NEGR1: variants seen among roughly 807,000 people sequenced by gnomAD.
NEGR1 encodes the protein IgLON family member 4.
In NEGR1, 10 loss-of-function variants were observed where a neutral mutation model predicts 40.9. The observed-to-expected ratio is 0.24, with a 90% CI of 0.15 to 0.42. The LOEUF is 0.42. Among genes scored for constraint, NEGR1 ranks in the 10% least tolerant of loss-of-function variants. NEGR1 has a pLI of 1.00. For missense variants in NEGR1, 352 were observed against 438.9 expected, an observed-to-expected ratio of 0.80 and a Z score of 1.77; for synonymous variants, 185 against 166.8, an observed-to-expected ratio of 1.11 and a Z score of -0.84.
chr1:72,010,608 C>A (rs1305260337), intron 1 of NEGR1, among the ~76,000 whole-genome samples: 2 of 151,756 alleles, frequency 1.3e-5, no homozygotes, highest in Non-Finnish European at 2.9e-5. Context: ...CCTCTCCCTC[C>A]CCCCAACCCC....
At chr1:71,530,364 A>G (rs145033593) in intron 6 of NEGR1, among the ~76,000 whole-genome samples, 97 of 151,390 alleles carry the variant, frequency 6.4e-4, no homozygotes, top group Non-Finnish European at 1.1e-3. Context: ...GCTTAGTTAT[A>G]TATTGCCAAA....
At chr1:71,425,848 T>C (rs900453287) in intron 6 of NEGR1, among the ~76,000 whole-genome samples, 1 of 152,108 alleles carries the variant, frequency 6.6e-6, no homozygotes, top group Non-Finnish European at 1.5e-5. Flanking sequence ...AGCTTAATGC[T>C]CACAATCCAT....
chr1:71,987,000 A>C (rs1486956356), intron 1 of NEGR1, among the ~76,000 whole-genome samples: 1 of 152,196 alleles, frequency 6.6e-6, no homozygotes, highest in Admixed American at 6.5e-5. Flanking sequence ...AGAAACAGTT[A>C]ACTCAAAAAT....
chr1:71,569,575 GTTTAAAGT>G (rs1043798812), intron 6 of NEGR1, among the ~76,000 whole-genome samples: 24 of 152,254 alleles, frequency 1.6e-4, no homozygotes, highest in Middle Eastern at 3.4e-3. Context: ...CCGTTTGGGC[GTTTAAAGT>G]TTTAAAGTTT....
intron 2 of NEGR1, among the ~76,000 whole-genome samples, chr1:71,815,174 A>T (rs948050240): frequency 6.6e-6 from 1 of 152,156 alleles, no homozygotes; most frequent in Non-Finnish European, 1.5e-5. Flanking sequence ...CCCAGGAGTC[A>T]TTCAGGAGAA....
intron 1 of NEGR1, among the ~76,000 whole-genome samples, chr1:72,092,326 T>C (rs1648531278): frequency 6.6e-6 from 1 of 152,134 alleles, no homozygotes; most frequent in Non-Finnish European, 1.5e-5. Flanking sequence ...ATGTTCTCTC[T>C]CTACCAAACA....
intron 1 of NEGR1, among the ~76,000 whole-genome samples, chr1:72,043,673 C>T (rs1646975460): frequency 6.6e-6 from 1 of 151,850 alleles, no homozygotes. Context: ...TGTCATATGT[C>T]TGAAATCACA....
At chr1:72,099,874 T>C (rs557609611) in intron 1 of NEGR1, among the ~76,000 whole-genome samples, 7 of 150,904 alleles carry the variant, frequency 4.6e-5, no homozygotes, top group Non-Finnish European at 1.0e-4. Flanking sequence ...TTATATATAC[T>C]CTCTCTCTCT....
chr1:71,627,894 T>C (rs952896808), intron 4 of NEGR1, among the ~76,000 whole-genome samples: 2 of 152,058 alleles, frequency 1.3e-5, no homozygotes, highest in African/African-American at 4.8e-5. Flanking sequence ...GTGAATATTA[T>C]GTGAATGAAG....
chr1:71,431,534 TCATC>T (rs60332811), intron 6 of NEGR1, among the ~76,000 whole-genome samples: 141,465 of 151,544 alleles, frequency 0.93, 66,442 homozygotes, highest in Non-Finnish European at 0.99. Context: ...ATTTATCCAA[TCATC>T]CATCCATCCA....
At chr1:72,265,594 C>T (rs1434772657) in intron 1 of NEGR1, among the ~76,000 whole-genome samples, 1 of 150,716 alleles carries the variant, frequency 6.6e-6, no homozygotes. Flanking sequence ...GTAATATACC[C>T]TGTAGGCACC....
chr1:72,262,117 G>A (rs922459280), intron 1 of NEGR1, among the ~76,000 whole-genome samples: 4 of 152,030 alleles, frequency 2.6e-5, no homozygotes, highest in Admixed American at 6.6e-5. Flanking sequence ...AGCTATCCTA[G>A]ATTGGATAAC....
At chr1:71,756,522 T>G (rs1339849619) in intron 3 of NEGR1, among the ~76,000 whole-genome samples, 1 of 152,084 alleles carries the variant, frequency 6.6e-6, no homozygotes, top group Non-Finnish European at 1.5e-5. Context: ...TAATTATTTC[T>G]TGTCATGTCA....
intron 2 of NEGR1, among the ~76,000 whole-genome samples, chr1:71,831,634 G>A (rs664636): frequency 0.035 from 5,287 of 151,978 alleles, 175 homozygotes; most frequent in African/African-American, 0.084. Flanking sequence ...GACAATTACA[G>A]CACAATGCAA....
At chr1:71,818,089 T>C (rs77556311) in intron 2 of NEGR1, among the ~76,000 whole-genome samples, 2,809 of 152,086 alleles carry the variant, frequency 0.018, 41 homozygotes, top group East Asian at 0.043. Flanking sequence ...ACACTGGTGA[T>C]TGGGGTGTAA....
rs556192199 is a variant in NEGR1 at position 72,075,357 on chromosome 1, G to A, written c.177-140046C>T. Among the ~76,000 whole-genome samples the A allele has an allele frequency of 3.9e-5, 6 of 152,236 alleles. No individual in the cohort carries two copies. The South Asian group carries it at 1.0e-3, about 26-fold the overall frequency. The stretch of plus-strand genomic sequence containing the variant: ...ACAGGCAAGTCAGTCTAGTGAGGTA[G>A]AGTCCTTTTACTCTAAATTCTAATT... On this transcript the variant is annotated intron_variant, in intron 1 of 6. Transcript: ENST00000357731.
intron 2 of NEGR1, among the ~76,000 whole-genome samples, chr1:71,915,109 T>A (rs550937096): frequency 1.3e-5 from 2 of 152,242 alleles, no homozygotes; most frequent in African/African-American, 2.4e-5. Context: ...CCTTTTTTTT[T>A]AATGTTTTGT....
intron 5 of NEGR1, among the ~76,000 whole-genome samples, chr1:71,605,483 A>T (rs1650049807): frequency 6.6e-6 from 1 of 152,190 alleles, no homozygotes; most frequent in Non-Finnish European, 1.5e-5. Flanking sequence ...ATACCAATCC[A>T]TGTTTTTGTA....
At chr1:72,012,803 G>GTATATATATATATACATATATATA (rs1557482993) in intron 1 of NEGR1, among the ~76,000 whole-genome samples, 1 of 132,884 alleles carries the variant, frequency 7.5e-6, no homozygotes, top group Non-Finnish European at 1.6e-5. Context: ...ATGTGTGTGT[G>GTATATATATATATACATATATATA]TATATATATA....
Sources: allele counts gnomAD v4.1 joint callset (sites outside exome capture counted in the v4.1 genomes callset), GRCh38; gene constraint gnomAD v4.1.1; transcripts MANE v1.5; gene names NCBI Gene and HGNC (gene_info 2026-07-23, HGNC 2026-07-21).